LRP1B: variants seen among roughly 807,000 people sequenced by gnomAD.
LRP1B encodes LDL receptor related protein 1B, also known as low-density lipoprotein receptor-related protein 1B.
LRP1B carries 217 observed loss-of-function variants against 556.6 expected under a neutral mutation model. The observed-to-expected ratio is 0.39, with a 90% CI of 0.35 to 0.44. LRP1B has a LOEUF of 0.44. Among genes scored for constraint, LRP1B ranks in the 20% least tolerant of loss-of-function variants. The pLI is 1.00. For missense variants in LRP1B, 5,053 were observed against 5,620.8 expected (o/e 0.90, Z 3.23); for synonymous variants, 2,047 against 1,865.8 (o/e 1.10, Z -2.50).
At chr2:141,317,981 C>T (rs139401022) in intron 3 of LRP1B, among the ~76,000 whole-genome samples, 1 of 151,914 alleles carries the variant, frequency 6.6e-6, no homozygotes, top group African/African-American at 2.4e-5. Context: ...TCAGTCTGAG[C>T]CATTCTTGCA....
intron 79 of LRP1B, among the ~76,000 whole-genome samples, chr2:140,331,675 CTATATATATACATATATATA>C (rs1448916782): frequency 1.0e-4 from 12 of 118,502 alleles, no homozygotes; most frequent in Admixed American, 9.9e-4. Flanking sequence ...TTAGTTATCA[CTATATATATACATATATATA>C]TATATATATA....
intron 32 of LRP1B, among the ~76,000 whole-genome samples, chr2:140,806,403 C>T (rs980410042): frequency 2.0e-5 from 3 of 151,956 alleles, no homozygotes; most frequent in Admixed American, 1.3e-4. Context: ...TCATTTAGCG[C>T]CATAAAACAA....
intron 3 of LRP1B, among the ~76,000 whole-genome samples, chr2:141,321,588 G>T (rs930318095): frequency 1.3e-4 from 20 of 151,964 alleles, no homozygotes; most frequent in Non-Finnish European, 2.6e-4. Flanking sequence ...TGCCCTGATT[G>T]TATGTGTCTG....
intron 43 of LRP1B, among the ~76,000 whole-genome samples, chr2:140,559,760 GA>G (rs35908593): frequency 2.0e-4 from 29 of 145,406 alleles, no homozygotes; most frequent in East Asian, 4.0e-4. Context: ...ATAAATAATT[GA>G]AAAAAAAAAA....
intron 3 of LRP1B, among the ~76,000 whole-genome samples, chr2:141,451,929 C>T (rs530385465): frequency 1.8e-4 from 28 of 152,164 alleles, no homozygotes; most frequent in East Asian, 9.6e-4. Flanking sequence ...CCTTAGTGAC[C>T]CTGTTGGATA....
chr2:140,358,731 T>G (rs539685269), intron 73 of LRP1B, 90 bp downstream of exon 73: 1 of 1,383,250 alleles, frequency 7.2e-7, no homozygotes, highest in African/African-American at 1.4e-5. Context: ...GATGTCCACA[T>G]AAGAAATGTA....
chr2:141,230,118 A>T (rs1388766113), intron 5 of LRP1B, among the ~76,000 whole-genome samples: 1 of 152,208 alleles, frequency 6.6e-6, no homozygotes, highest in Non-Finnish European at 1.5e-5. Flanking sequence ...GAACATATAC[A>T]AATTTCCCAG....
At chr2:140,636,375 T>C (rs1406401133) in intron 41 of LRP1B, among the ~76,000 whole-genome samples, 2 of 152,172 alleles carry the variant, frequency 1.3e-5, no homozygotes, top group Non-Finnish European at 1.5e-5. Flanking sequence ...CTTTCTTAAA[T>C]GTGCTGTATA....
At position 141,325,919 on chromosome 2, in the gene LRP1B, A is replaced by C. The variant is rs557917249; in HGVS notation, c.344-71278T>G. Among the ~76,000 whole-genome samples the C allele has an allele frequency of 9.2e-5, 14 of 152,266 alleles. No individual in the cohort carries two copies. The South Asian group carries it at 2.7e-3, about 29-fold the overall frequency. Reference sequence around the variant, plus strand: ...GCTAAAAGGTGAGCTATATGTTTATAATATTTTATCTAAAATTTCAGAATT... The same window carrying C: ...GCTAAAAGGTGAGCTATATGTTTATCATATTTTATCTAAAATTTCAGAATT... On this transcript the variant is annotated intron_variant, in intron 3 of 90. Transcript: ENST00000389484.
intron 41 of LRP1B, among the ~76,000 whole-genome samples, chr2:140,625,915 C>A (rs1302679887): frequency 1.3e-5 from 2 of 152,144 alleles, no homozygotes; most frequent in African/African-American, 4.8e-5. Context: ...AAACAAAAAT[C>A]TGTACATGGT....
At chr2:141,792,716 A>G (rs924815987) in intron 2 of LRP1B, among the ~76,000 whole-genome samples, 1 of 152,034 alleles carries the variant, frequency 6.6e-6, no homozygotes, top group Admixed American at 6.6e-5. Flanking sequence ...ATCCTATGAC[A>G]CACAAATCAG....
chr2:140,644,487 C>A (rs2105306580), intron 41 of LRP1B, among the ~76,000 whole-genome samples: 1 of 151,574 alleles, frequency 6.6e-6, no homozygotes, highest in Non-Finnish European at 1.5e-5. Context: ...TAGCCTCAAC[C>A]TCCTGGGCTC....
chr2:140,326,147 C>T (rs994880467), intron 79 of LRP1B, among the ~76,000 whole-genome samples: 10 of 152,120 alleles, frequency 6.6e-5, no homozygotes, highest in Admixed American at 6.6e-4. Context: ...AATATCCCTT[C>T]TAGCCATATT....
intron 66 of LRP1B, among the ~76,000 whole-genome samples, chr2:140,421,506 T>C (rs1685442831): frequency 6.6e-6 from 1 of 152,130 alleles, no homozygotes; most frequent in South Asian, 2.1e-4. Flanking sequence ...TGACAAGAAA[T>C]GCAAGATTTC....
intron 82 of LRP1B, among the ~76,000 whole-genome samples, chr2:140,321,143 A>C (rs1680096440): frequency 6.6e-6 from 1 of 152,090 alleles, no homozygotes; most frequent in South Asian, 2.1e-4. Flanking sequence ...CATTATACCT[A>C]ATGTCTTGAA....
intron 1 of LRP1B, among the ~76,000 whole-genome samples, chr2:141,950,369 T>TATAA (rs1191082904): frequency 6.6e-6 from 1 of 152,210 alleles, no homozygotes; most frequent in African/African-American, 2.4e-5. Context: ...GACATTTAAC[T>TATAA]ATAAATGGTT....
chr2:140,780,559 A>T (rs1689662164), intron 32 of LRP1B, among the ~76,000 whole-genome samples: 1 of 152,150 alleles, frequency 6.6e-6, no homozygotes, highest in Admixed American at 6.5e-5. Context: ...GGAAATGAAG[A>T]TGTTCCCTCC....
intron 62 of LRP1B, among the ~76,000 whole-genome samples, chr2:140,455,295 G>C (rs13007837): frequency 0.15 from 22,080 of 151,892 alleles, 1,898 homozygotes; most frequent in African/African-American, 0.23. Flanking sequence ...TTCAAAGAGC[G>C]GTCAGAACCT....
chr2:141,073,815 C>G (rs892407481), intron 7 of LRP1B, among the ~76,000 whole-genome samples: 1 of 152,184 alleles, frequency 6.6e-6, no homozygotes, highest in Middle Eastern at 3.4e-3. Context: ...ATCACCACAT[C>G]CTGCCAGTTA....
Sources: gnomAD v4.1 joint callset for allele counts (sites outside exome capture counted in the v4.1 genomes callset) on GRCh38, gnomAD v4.1.1 for gene constraint, MANE v1.5 for transcripts, NCBI Gene and HGNC (gene_info 2026-07-23, HGNC 2026-07-21) for gene names.